Variants in THOC2 observed in about 807,000 individuals in gnomAD.
The protein encoded by THOC2 is THO complex 2.
A neutral mutation model predicts 128.4 loss-of-function variants in THOC2; 10 were observed. That is an observed-to-expected ratio of 0.08 (90% CI 0.05 to 0.13). The LOEUF is 0.13. Among genes scored for constraint, THOC2 ranks in the 10% least tolerant of loss-of-function variants. The probability of loss-of-function intolerance (pLI) is 1.00; values close to 1 mark genes in which losing one functional copy is unlikely to be tolerated. For missense variants in THOC2, 535 were observed against 1,155.7 expected, an observed-to-expected ratio of 0.46 and a Z score of 7.79; for synonymous variants, 393 against 396.9, an observed-to-expected ratio of 0.99 and a Z score of 0.12.
At chrX:123,673,292 T>A (rs1041934385) in intron 8 of THOC2, among the ~76,000 whole-genome samples, 15 of 111,995 alleles carry the variant, frequency 1.3e-4, no homozygotes, top group African/African-American at 4.9e-4. Flanking sequence ...TGAGCCAAGA[T>A]CACGCCACTG....
chrX:123,691,190 C>A (rs761585420), intron 7 of THOC2, among the ~76,000 whole-genome samples: 1 of 111,539 alleles, frequency 9.0e-6, no homozygotes, highest in Non-Finnish European at 1.9e-5. Context: ...CCAGCTTGGG[C>A]AACAGAGCCA....
chrX:123,666,519 C>CT (rs2049058533), intron 11 of THOC2, among the ~76,000 whole-genome samples: 1 of 111,449 alleles, frequency 9.0e-6, no homozygotes, highest in African/African-American at 3.3e-5. Flanking sequence ...AAGGCTGAGG[C>CT]TTTTGAGGCA....
In THOC2 at chrX:123,627,382, T is replaced by C. The variant is rs2047307370; in HGVS notation, c.2757+311A>G. Among the ~76,000 whole-genome samples, 3 of 111,601 alleles carry C rather than the reference T, an allele frequency of 2.7e-5. No individual in the cohort carries two copies. In the Admixed American group the frequency reaches 2.9e-4, roughly 11 times the overall value. On this transcript the variant is annotated intron_variant, in intron 23 of 38. Coordinates refer to ENST00000245838, the MANE Select transcript of THOC2 (RefSeq NM_001081550.2). ...ATTTCAAGACTCGGCTTCTCAATAGTCTTCTCCTAAAGAACTCTCCTCTTG... is the reference window on the plus strand; with the variant it reads ...ATTTCAAGACTCGGCTTCTCAATAGCCTTCTCCTAAAGAACTCTCCTCTTG...
At chrX:123,638,879 T>C in intron 17 of THOC2, 55 bp downstream of exon 17, 1 of 715,895 alleles carries the variant, frequency 1.4e-6, no homozygotes, top group Non-Finnish European at 2.0e-6. Flanking sequence ...ATAAAACGTT[T>C]ACCATATGAT....
chrX:123,610,875 A>G, intron 38 of THOC2, 43 bp downstream of exon 38: 1 of 1,091,320 alleles, frequency 9.2e-7, no homozygotes, highest in Non-Finnish European at 1.3e-6. Flanking sequence ...AACTCATTTT[A>G]TGTTTCTATC....
intron 12 of THOC2, 84 bp from the exon 13 acceptor site, chrX:123,645,459 T>C: frequency 1.9e-6 from 1 of 524,718 alleles, no homozygotes; most frequent in Non-Finnish European, 3.0e-6. Flanking sequence ...GAAAAAACTT[T>C]AACTTGCACA....
At chrX:123,612,506 T>C (rs1213060106) in intron 36 of THOC2, among the ~76,000 whole-genome samples, 1 of 111,423 alleles carries the variant, frequency 9.0e-6, no homozygotes, top group Non-Finnish European at 1.9e-5. Context: ...AACAGATTTA[T>C]GGTTCCCAGG....
In THOC2 at chrX:123,644,829, A is replaced by G; in HGVS notation, c.1509T>C (p.Cys503=). 8.3e-7 allele frequency: 1 copy of G among 1,204,313 alleles called. No homozygotes were observed. The highest frequency in any genetic ancestry group is 1.1e-6 in the Non-Finnish European group (1 of 888,712). ...ACATTCCCCATAGTTCCTCAGACAT[A>G]CAAGCATTGCAGTCCATCAAAGAAA... ...PSLSLMDCNA[C]MSEELWGMFK... is the part of the protein sequence containing the mutation. Residue 503 remains cysteine (C), a synonymous_variant, in exon 14 of 39, where the codon TGT becomes TGC. Transcript: ENST00000245838.
At chrX:123,673,106 AG>A (rs2049346104) in intron 8 of THOC2, among the ~76,000 whole-genome samples, 1 of 112,251 alleles carries the variant, frequency 8.9e-6, no homozygotes, top group African/African-American at 3.2e-5. Context: ...TGCAAGGCCA[AG>A]GTGGTCAGAT....
intron 2 of THOC2, among the ~76,000 whole-genome samples, chrX:123,709,163 T>C (rs1227537874): frequency 5.3e-5 from 6 of 112,943 alleles, no homozygotes; most frequent in African/African-American, 1.9e-4. Flanking sequence ...CAGAAACCTA[T>C]AAAATCTATA....
intron 1 of THOC2, among the ~76,000 whole-genome samples, chrX:123,721,703 T>C (rs1360533970): frequency 9.3e-6 from 1 of 108,103 alleles, no homozygotes; most frequent in Non-Finnish European, 1.9e-5. Context: ...GGAGAATCGC[T>C]TGGACTCAGG....
chrX:123,616,672 T>C (rs1231250638), intron 33 of THOC2, among the ~76,000 whole-genome samples: 2 of 108,202 alleles, frequency 1.8e-5, no homozygotes, highest in African/African-American at 3.4e-5. Context: ...ACCTGTTTTT[T>C]GTTTTTTTTT....
intron 16 of THOC2, among the ~76,000 whole-genome samples, chrX:123,639,491 T>G (rs1248558279): frequency 8.9e-6 from 1 of 112,158 alleles, no homozygotes; most frequent in East Asian, 2.8e-4. Flanking sequence ...CTCTTGGTAC[T>G]TTTTTTGTGG....
At chrX:123,702,784 G>A (rs995992612) in intron 4 of THOC2, among the ~76,000 whole-genome samples, 6 of 108,332 alleles carry the variant, frequency 5.5e-5, no homozygotes, top group Non-Finnish European at 9.5e-5. Flanking sequence ...GAAAAGAAAA[G>A]AAAGCACAGG....
Position 123,610,926 on chromosome X carries a change from A to T in THOC2, c.*10T>A. 1 of 1,205,876 alleles carries T rather than the reference A, an allele frequency of 8.3e-7. No homozygotes were observed. Among genetic ancestry groups the T allele is most frequent in the South Asian group, 1.8e-5 (1 of 56,017 alleles). On this transcript the variant is annotated 3_prime_UTR_variant, in exon 38 of 39. Coordinates refer to ENST00000245838, the MANE Select transcript of THOC2 (RefSeq NM_001081550.2). ...GGTGAGAGAACACTCACCTTGATGG[A>T]AAGTCTTCATTATCTGTGCTTGTCC...
At chrX:123,680,879 C>G (rs1388022662) in intron 8 of THOC2, among the ~76,000 whole-genome samples, 1 of 111,351 alleles carries the variant, frequency 9.0e-6, no homozygotes, top group Admixed American at 9.6e-5. Flanking sequence ...CCTTCAAATA[C>G]ATTCAGAATC....
chrX:123,731,389 A>G lies in THOC2; in HGVS notation c.71+1563T>C, dbSNP rs1242898948. The stretch of plus-strand genomic sequence containing the variant: ...TTTCAAAGGCCTCCCAATTCATTAC[A>G]GTGCAAGAATAAACACACATGAATA... On this transcript the variant is annotated intron_variant, in intron 1 of 38. Transcript: ENST00000245838. Among the ~76,000 whole-genome samples, 5 of 112,071 alleles carry G rather than the reference A, an allele frequency of 4.5e-5. No homozygotes were observed. The East Asian group carries it at 1.4e-3, about 31-fold the overall frequency.
intron 32 of THOC2, 79 bp downstream of exon 32, chrX:123,620,828 G>C: frequency 1.0e-6 from 1 of 976,784 alleles, no homozygotes; most frequent in Non-Finnish European, 1.4e-6. Context: ...CTTGGCATAA[G>C]ACTTGAAGGA....
Position 123,667,087 on chromosome X carries a change from A to G in THOC2, c.1190+19T>C. On this transcript the variant is annotated intron_variant, in intron 11 of 38. Coordinates refer to ENST00000245838, the MANE Select transcript of THOC2 (RefSeq NM_001081550.2). Reference sequence around the variant, plus strand: ...AGCTATTTCTACCTCAATGATTAATAAAGTATAAAGTTACATACCTTCGGT... The same window carrying G: ...AGCTATTTCTACCTCAATGATTAATGAAGTATAAAGTTACATACCTTCGGT... The G allele has an allele frequency of 9.0e-7, 1 of 1,108,230 alleles. No individual in the cohort carries two copies. Among genetic ancestry groups the G allele is most frequent in the Non-Finnish European group, 1.2e-6 (1 of 827,768 alleles). 91.3% of individuals were successfully genotyped at this position (1,108,230 alleles called of 1,213,427 possible).
Sources: allele counts gnomAD v4.1 joint callset (sites outside exome capture counted in the v4.1 genomes callset), GRCh38; gene constraint gnomAD v4.1.1; transcripts MANE v1.5; gene names NCBI Gene and HGNC (gene_info 2026-07-23, HGNC 2026-07-21).